NALF1: variants seen among roughly 807,000 people sequenced by gnomAD.
The protein encoded by NALF1 is NALCN channel auxiliary factor 1.
In NALF1, 3 loss-of-function variants were observed where a neutral mutation model predicts 48.4. The observed-to-expected ratio is 0.06, with a 90% CI of 0.03 to 0.16. The LOEUF is 0.16. Among genes scored for constraint, NALF1 ranks in the 10% least tolerant of loss-of-function variants. The pLI, the probability that NALF1 is intolerant of heterozygous loss-of-function variation, is 1.00. For missense variants in NALF1, 526 were observed against 571.5 expected (o/e 0.92, Z 0.81); for synonymous variants, 262 against 245.7 (o/e 1.07, Z -0.62).
At chr13:107,283,381 G>A (rs550415131) in intron 1 of NALF1, among the ~76,000 whole-genome samples, 1 of 151,972 alleles carries the variant, frequency 6.6e-6, no homozygotes, top group African/African-American at 2.4e-5. Flanking sequence ...AGGAGAAACT[G>A]CCAGAGCAAA....
rs140259391 is a variant in NALF1 at position 107,363,419 on chromosome 13, C to T, written c.916-152664G>A. On this transcript the variant is annotated intron_variant, in intron 1 of 2. Transcript: ENST00000375915. Reference sequence around the variant, plus strand: ...GATCAGCCCGGACAACATAGTGAGACCACGTTTCTACAAAAATAAAAGTAA... The same window carrying T: ...GATCAGCCCGGACAACATAGTGAGATCACGTTTCTACAAAAATAAAAGTAA... 5.7e-3 allele frequency among the ~76,000 whole-genome samples: 860 copies of T among 152,172 alleles called. 10 individuals carry two copies. Among genetic ancestry groups the T allele is most frequent in the African/African-American group, 0.02 (820 of 41,524 alleles).
chr13:107,271,796 A>ATATT (rs1420042949), intron 1 of NALF1, among the ~76,000 whole-genome samples: 4 of 104,532 alleles, frequency 3.8e-5, no homozygotes, highest in African/African-American at 1.3e-4. Flanking sequence ...ATATATATAT[A>ATATT]TATATATATA....
chr13:107,351,640 AG>A (rs1034598145), intron 1 of NALF1, among the ~76,000 whole-genome samples: 3 of 152,188 alleles, frequency 2.0e-5, no homozygotes, highest in Admixed American at 6.5e-5. Flanking sequence ...TGCTAATAAA[AG>A]CTTCCCTCTA....
At chr13:107,681,706 C>G (rs955728816) in intron 1 of NALF1, among the ~76,000 whole-genome samples, 1 of 152,116 alleles carries the variant, frequency 6.6e-6, no homozygotes, top group Admixed American at 6.5e-5. Context: ...TCTCATCCGA[C>G]GGCTGCAGGT....
chr13:107,528,533 C>T (rs1396296751), intron 1 of NALF1, among the ~76,000 whole-genome samples: 1 of 152,172 alleles, frequency 6.6e-6, no homozygotes, highest in Non-Finnish European at 1.5e-5. Flanking sequence ...AAAACCCTCT[C>T]TCTAAAACAA....
intron 1 of NALF1, among the ~76,000 whole-genome samples, chr13:107,448,128 T>C (rs192987803): frequency 6.6e-6 from 1 of 152,256 alleles, no homozygotes; most frequent in Admixed American, 6.5e-5. Flanking sequence ...AGTCAGGCTT[T>C]CTGCTCTTTC....
intron 1 of NALF1, among the ~76,000 whole-genome samples, chr13:107,564,333 T>C (rs1877727569): frequency 6.6e-6 from 1 of 152,246 alleles, no homozygotes; most frequent in Admixed American, 6.5e-5. Context: ...AAAAATCTTA[T>C]TCCCTCATAT....
At chr13:107,453,684 C>G (rs968399850) in intron 1 of NALF1, among the ~76,000 whole-genome samples, 1 of 152,216 alleles carries the variant, frequency 6.6e-6, no homozygotes, top group African/African-American at 2.4e-5. Flanking sequence ...ATTTCTGCAG[C>G]CAGCTTGGAT....
At chr13:107,389,953 G>A (rs755386430) in intron 1 of NALF1, among the ~76,000 whole-genome samples, 1 of 152,140 alleles carries the variant, frequency 6.6e-6, no homozygotes, top group Non-Finnish European at 1.5e-5. Flanking sequence ...TGCCTTGTCA[G>A]ATGTTTAAAC....
intron 1 of NALF1, among the ~76,000 whole-genome samples, chr13:107,241,543 T>C (rs1880471721): frequency 6.6e-6 from 1 of 152,230 alleles, no homozygotes; most frequent in Admixed American, 6.5e-5. Context: ...AAACCCACTG[T>C]GCCTCAGCTT....
At chr13:107,381,451 GC>G (rs1883437720) in intron 1 of NALF1, among the ~76,000 whole-genome samples, 2 of 151,884 alleles carry the variant, frequency 1.3e-5, no homozygotes, top group African/African-American at 4.8e-5. Context: ...TCTCACCTTG[GC>G]CCCCCAAAGT....
chr13:107,847,722 C>A (rs574316855), intron 1 of NALF1, among the ~76,000 whole-genome samples: 24 of 152,272 alleles, frequency 1.6e-4, no homozygotes, highest in African/African-American at 4.6e-4. Flanking sequence ...TGATCTTTCC[C>A]TAGCAGAGCC....
intron 2 of NALF1, 68 bp from the exon 3 acceptor site, chr13:107,170,854 G>C: frequency 1.4e-6 from 2 of 1,453,202 alleles, no homozygotes; most frequent in Non-Finnish European, 1.9e-6. Flanking sequence ...GAGTGAAGCT[G>C]TTGCTTTAAC....
In NALF1 at chr13:107,731,780, C is replaced by T. The variant is rs905374175; in HGVS notation, c.915+133902G>A. Among the ~76,000 whole-genome samples, 5 of 152,180 alleles carry T rather than the reference C, an allele frequency of 3.3e-5. No individual in the cohort carries two copies. In the East Asian group the frequency reaches 7.7e-4, roughly 23 times the overall value. On this transcript the variant is annotated intron_variant, in intron 1 of 2. Coordinates refer to ENST00000375915, the MANE Select transcript of NALF1 (RefSeq NM_001080396.3). ...AGTATTCCATGGTGTATATGCACCA[C>T]ATTTTCTTTATCCAGCCTGCCATTG... is the stretch of plus-strand genomic sequence containing the variant.
chr13:107,660,436 AACACACACACACACAC>A (rs201215515), intron 1 of NALF1, among the ~76,000 whole-genome samples: 25 of 93,684 alleles, frequency 2.7e-4, no homozygotes, highest in South Asian at 7.7e-4. Flanking sequence ...CTGTCTCAAA[AACACACACACACACAC>A]ACACACACAC....
At chr13:107,480,741 T>G (rs1335879090) in intron 1 of NALF1, among the ~76,000 whole-genome samples, 1 of 152,194 alleles carries the variant, frequency 6.6e-6, no homozygotes, top group Admixed American at 6.5e-5. Context: ...ACTAAAGAAC[T>G]GTTTTATTTT....
rs1453687218 is a variant in NALF1, at chr13:107,712,315, T to C, written c.915+153367A>G. Among the ~76,000 whole-genome samples, 3 of 152,164 alleles carry C rather than the reference T, an allele frequency of 2.0e-5. No individual in the cohort carries two copies. The East Asian group carries it at 5.8e-4, about 29-fold the overall frequency. Reference sequence around the variant, plus strand: ...AAAGAGGTATTAATAAACAATGGCATTCCCAGAAAGGATTACAAAACAGGA... The same window carrying C: ...AAAGAGGTATTAATAAACAATGGCACTCCCAGAAAGGATTACAAAACAGGA... On this transcript the variant is annotated intron_variant, in intron 1 of 2. Transcript: ENST00000375915.
At chr13:107,819,385 A>G (rs1047485682) in intron 1 of NALF1, among the ~76,000 whole-genome samples, 3 of 152,202 alleles carry the variant, frequency 2.0e-5, no homozygotes, top group Non-Finnish European at 4.4e-5. Context: ...ATTCTGCCTC[A>G]GCAGCATTTC....
At chr13:107,279,588 A>C (rs1029939778) in intron 1 of NALF1, among the ~76,000 whole-genome samples, 2 of 152,070 alleles carry the variant, frequency 1.3e-5, no homozygotes, top group Non-Finnish European at 2.9e-5. Flanking sequence ...AAAATTCTCC[A>C]GAGATATTCT....
Sources: allele counts gnomAD v4.1 joint callset (sites outside exome capture counted in the v4.1 genomes callset), GRCh38; gene constraint gnomAD v4.1.1; transcripts MANE v1.5; gene names NCBI Gene and HGNC (gene_info 2026-07-23, HGNC 2026-07-21).